The following PAX3 variants were observed in gnomAD, a reference collection of about 807,000 sequenced individuals.
The protein encoded by PAX3 is paired box protein Pax-3.
Under a neutral mutation model 51.6 loss-of-function variants are expected in PAX3, and 14 were observed. That is an observed-to-expected ratio of 0.27 (90% CI 0.18 to 0.42). PAX3 has a LOEUF of 0.42. Ranked by LOEUF, PAX3 falls within the 10% of genes least tolerant of loss-of-function variation. The pLI is 1.00. For missense variants in PAX3, 540 were observed against 642.8 expected, an observed-to-expected ratio of 0.84 and a Z score of 1.73; for synonymous variants, 280 against 253.4, an observed-to-expected ratio of 1.11 and a Z score of -1.00.
intron 3 of PAX3, among the ~76,000 whole-genome samples, chr2:222,294,518 C>T (rs1328031353): frequency 1.3e-5 from 2 of 152,118 alleles, no homozygotes; most frequent in East Asian, 1.9e-4. Flanking sequence ...ATCTGTATCT[C>T]GGTACTGAAA....
intron 7 of PAX3, among the ~76,000 whole-genome samples, chr2:222,206,292 T>G (rs1319232672): frequency 3.3e-5 from 5 of 152,098 alleles, no homozygotes; most frequent in Non-Finnish European, 5.9e-5. Context: ...GGAGATGCAA[T>G]GACCAGAAAG....
chr2:222,202,254 C>A, intron 7 of PAX3, 64 bp from the exon 8 acceptor site: 1 of 1,219,824 alleles, frequency 8.2e-7, no homozygotes, highest in Non-Finnish European at 1.2e-6. Context: ...CAGCCTACAG[C>A]TGAAAGAATA....
At chr2:222,247,353 T>C (rs45467796) in intron 4 of PAX3, among the ~76,000 whole-genome samples, 17,648 of 152,190 alleles carry the variant, frequency 0.12, 1,255 homozygotes, top group East Asian at 0.32. Context: ...TGTAACTAAA[T>C]TGCAGGGAGA....
In PAX3 at chr2:222,294,234, C is replaced by G. The variant is rs770472955; in HGVS notation, c.519G>C (p.Glu173Asp). The G allele has an allele frequency of 1.2e-6, 2 of 1,614,260 alleles. No individual in the cohort carries two copies. The highest frequency in any genetic ancestry group is 2.2e-5 in the South Asian group (2 of 91,092). The change falls in exon 4 of 9, where the codon GAG (glutamate) becomes GAC (aspartate). Residue 173 changes from glutamate to aspartate, a missense_variant. By Grantham distance (45) the Glu-to-Asp change is conservative (BLOSUM62 2). Coordinates refer to ENST00000392070, the MANE Select transcript of PAX3 (RefSeq NM_181458.4). Reference sequence around the variant, plus strand: ...TCTCGCTTTCCTCTGCCTCCTTCCTCTCCAAGTCGGCCTCCTCCTCTTCAC... The same window carrying G: ...TCTCGCTTTCCTCTGCCTCCTTCCTGTCCAAGTCGGCCTCCTCCTCTTCAC... ...GKGEEEEADL[E>D]RKEAEESEKK... is the part of the protein sequence containing the mutation.
intron 5 of PAX3, among the ~76,000 whole-genome samples, chr2:222,230,159 G>C (rs1192701546): frequency 2.6e-5 from 4 of 151,320 alleles, no homozygotes; most frequent in Admixed American, 2.6e-4. Context: ...CTGGGCTACA[G>C]AATGAGACCC....
intron 7 of PAX3, among the ~76,000 whole-genome samples, chr2:222,219,363 T>C (rs531807063): frequency 2.0e-5 from 3 of 152,260 alleles, no homozygotes; most frequent in Admixed American, 6.5e-5. Flanking sequence ...CCTTGCCACC[T>C]GGGCCAAGCA....
intron 4 of PAX3, among the ~76,000 whole-genome samples, chr2:222,268,072 A>G (rs979990129): frequency 2.8e-4 from 43 of 152,210 alleles, no homozygotes; most frequent in African/African-American, 1.0e-3. Context: ...GATCCTTTAG[A>G]TCTATTACTG....
At chr2:222,241,301 G>A (rs753206630) in intron 4 of PAX3, among the ~76,000 whole-genome samples, 3 of 152,120 alleles carry the variant, frequency 2.0e-5, no homozygotes, top group East Asian at 3.8e-4. Flanking sequence ...CTCTTATCGC[G>A]GGCTGGCCAT....
intron 6 of PAX3, 145 bp downstream of exon 6, chr2:222,221,077 A>T: frequency 1.2e-6 from 1 of 804,576 alleles, no homozygotes; most frequent in Non-Finnish European, 2.2e-6. Flanking sequence ...TGTTTCTGAA[A>T]TGTGATAGGT....
chr2:222,221,245 T>C lies in PAX3; in HGVS notation c.935A>G (p.Tyr312Cys). 1 of 1,613,946 alleles carries C rather than the reference T, an allele frequency of 6.2e-7. No individual in the cohort carries two copies. ...LPTYQLSETS[Y>C]QPTSIPQAVS... The stretch of plus-strand genomic sequence containing the variant: ...ACCTTGTGGAATAGATGTGGGCTGG[T>C]AAGAGGTCTCCGACAGCTGGTACGT... Residue 312 changes from tyrosine (Y) to cysteine (C), a missense_variant, in exon 6 of 9, where the codon TAC becomes TGC. Transcript: ENST00000392070.
At chr2:222,232,332 A>T in intron 4 of PAX3, 49 bp from the exon 5 acceptor site, 1 of 1,534,184 alleles carries the variant, frequency 6.5e-7, no homozygotes, top group Non-Finnish European at 9.0e-7. Context: ...TCAAAAAAAT[A>T]AAACTGAGAT....
intron 7 of PAX3, among the ~76,000 whole-genome samples, chr2:222,217,774 A>G (rs1157505989): frequency 6.6e-6 from 1 of 152,142 alleles, no homozygotes; most frequent in African/African-American, 2.4e-5. Context: ...GTTGCTTCAC[A>G]TTTTTCTTTA....
chr2:222,227,557 A>G (rs527406310), intron 5 of PAX3, among the ~76,000 whole-genome samples: 10 of 152,182 alleles, frequency 6.6e-5, no homozygotes, highest in African/African-American at 2.4e-4. Context: ...GCACCACTGT[A>G]CTCCAGTGCA....
rs1436278427 is a variant in PAX3, at chr2:222,220,189, C to A, written c.1124G>T (p.Gly375Val). The change falls in exon 7 of 9, where the codon GGG (glycine) becomes GTG (valine). Residue 375 changes from glycine to valine, a missense_variant. Gly to Val is a moderately radical substitution (Grantham distance 109, BLOSUM62 -3). Transcript: ENST00000392070. ...GGTGGGGTTCATGGGGTTGGAGGGCCCCGACGGAGGCACAAAGCTGTCTGT... is the reference window on the plus strand; with the variant it reads ...GGTGGGGTTCATGGGGTTGGAGGGCACCGACGGAGGCACAAAGCTGTCTGT... Reference protein sequence around the residue: ...SYTDSFVPPSGPSNPMNPTIG... With the variant: ...SYTDSFVPPSVPSNPMNPTIG... 1 of 1,613,678 alleles carries A rather than the reference C, an allele frequency of 6.2e-7. No individual in the cohort carries two copies. Among genetic ancestry groups the A allele is most frequent in the African/African-American group, 1.3e-5 (1 of 74,846 alleles).
intron 4 of PAX3, among the ~76,000 whole-genome samples, chr2:222,243,962 G>A (rs1002868701): frequency 1.3e-5 from 2 of 152,186 alleles, no homozygotes; most frequent in African/African-American, 2.4e-5. Context: ...TACCTACTGT[G>A]CAAGAAGTAC....
intron 5 of PAX3, among the ~76,000 whole-genome samples, chr2:222,229,275 ATATT>A (rs1574657751): frequency 6.7e-6 from 1 of 149,330 alleles, no homozygotes; most frequent in East Asian, 1.9e-4. Context: ...TGTTAATATA[ATATT>A]TATATAGTAT....
intron 5 of PAX3, among the ~76,000 whole-genome samples, chr2:222,225,257 C>T (rs367818386): frequency 2.0e-5 from 3 of 152,184 alleles, no homozygotes; most frequent in African/African-American, 7.2e-5. Flanking sequence ...TACTTCCCAA[C>T]TTGTATGTCT....
intron 4 of PAX3, among the ~76,000 whole-genome samples, chr2:222,266,555 G>T (rs1464893182): frequency 6.6e-6 from 1 of 152,178 alleles, no homozygotes; most frequent in Non-Finnish European, 1.5e-5. Context: ...AGTTAAAATT[G>T]CAGGTTCTAG....
chr2:222,258,873 T>C (rs2106139710), intron 4 of PAX3, among the ~76,000 whole-genome samples: 2 of 152,330 alleles, frequency 1.3e-5, no homozygotes, highest in Admixed American at 1.3e-4. Flanking sequence ...CTCTTATTGG[T>C]GATGCTGAGA....
Sources: allele counts gnomAD v4.1 joint callset (sites outside exome capture counted in the v4.1 genomes callset), GRCh38; gene constraint gnomAD v4.1.1; transcripts MANE v1.5; gene names NCBI Gene and HGNC (gene_info 2026-07-23, HGNC 2026-07-21).